Variants in PDE8B observed in about 807,000 individuals in gnomAD.
The protein encoded by PDE8B is high affinity cAMP-specific and IBMX-insensitive 3',5'-cyclic phosphodiesterase 8B.
In PDE8B, 26 loss-of-function variants were observed where a neutral mutation model predicts 101.3. That is an observed-to-expected ratio of 0.26 (90% CI 0.19 to 0.36). PDE8B has a LOEUF of 0.36. PDE8B is among the 10% of genes least tolerant of loss of function. The pLI, the probability that PDE8B is intolerant of heterozygous loss-of-function variation, is 1.00. For missense variants in PDE8B, 810 were observed against 1,163.1 expected (o/e 0.70, Z 4.42); for synonymous variants, 424 against 429.3 (o/e 0.99, Z 0.15).
intron 10 of PDE8B, among the ~76,000 whole-genome samples, chr5:77,381,162 G>A (rs999758050): frequency 2.6e-5 from 4 of 152,178 alleles, no homozygotes; most frequent in Admixed American, 6.5e-5. Flanking sequence ...TAAGACCAAC[G>A]GGATGTGGGA....
At chr5:77,132,882 T>G in the PDE8B span, among the ~76,000 whole-genome samples, 1 of 152,264 alleles carries the variant, frequency 6.6e-6, no homozygotes, top group African/African-American at 2.4e-5. Flanking sequence ...AGCCTTATAA[T>G]TAACTGATAG....
chr5:77,169,658 G>A, the PDE8B span, among the ~76,000 whole-genome samples: 1 of 152,144 alleles, frequency 6.6e-6, no homozygotes, highest in South Asian at 2.1e-4. Flanking sequence ...GCAGTGGATT[G>A]GCAGCTGTGT....
chr5:77,368,661 A>C (rs547979821), intron 10 of PDE8B, among the ~76,000 whole-genome samples: 10 of 152,230 alleles, frequency 6.6e-5, no homozygotes, highest in African/African-American at 1.9e-4. Context: ...AGGGCCTTAC[A>C]CGGTGCTAGG....
chr5:77,174,286 T>TA, the PDE8B span, among the ~76,000 whole-genome samples: 2 of 152,160 alleles, frequency 1.3e-5, no homozygotes, highest in African/African-American at 4.8e-5. Flanking sequence ...TCTCTGTTTT[T>TA]ATGGGAGGTA....
intron 1 of PDE8B, among the ~76,000 whole-genome samples, chr5:77,273,737 A>G (rs990218210): frequency 3.5e-4 from 53 of 152,360 alleles, no homozygotes; most frequent in African/African-American, 1.2e-3. Flanking sequence ...TAGTATATAA[A>G]AAATAAAGTT....
chr5:77,128,467 A>T, the PDE8B span, among the ~76,000 whole-genome samples: 1 of 152,132 alleles, frequency 6.6e-6, no homozygotes, highest in Non-Finnish European at 1.5e-5. Flanking sequence ...GCCCACCTTT[A>T]TGGGTTGTGC....
At chr5:77,110,647 A>T in the PDE8B span, among the ~76,000 whole-genome samples, 2 of 152,208 alleles carry the variant, frequency 1.3e-5, no homozygotes, top group South Asian at 2.1e-4. Flanking sequence ...AAGGAATTCC[A>T]TGATGCTGCT....
At chr5:77,135,473 A>ATTTTTTTTTTTTTTTTTTT in the PDE8B span, among the ~76,000 whole-genome samples, 1 of 121,534 alleles carries the variant, frequency 8.2e-6, no homozygotes, top group Non-Finnish European at 1.7e-5. Context: ...AGCCAGAGGA[A>ATTTTTTTTTTTTTTTTTTT]TTTTTTTTTT....
the PDE8B span, among the ~76,000 whole-genome samples, chr5:77,100,965 CTTTTTTT>C: frequency 9.6e-5 from 12 of 124,388 alleles, no homozygotes; most frequent in African/African-American, 2.8e-4. Flanking sequence ...ATTTTTTTTC[CTTTTTTT>C]TTTTTTTTTT....
the PDE8B span, among the ~76,000 whole-genome samples, chr5:77,136,823 T>A: frequency 6.6e-6 from 1 of 152,236 alleles, no homozygotes; most frequent in Non-Finnish European, 1.5e-5. Context: ...CCCCATCATA[T>A]ACTAGAAACT....
chr5:77,353,193 G>A (rs1781470712), intron 9 of PDE8B, among the ~76,000 whole-genome samples, 153 bp from the exon 10 acceptor site: 1 of 152,176 alleles, frequency 6.6e-6, no homozygotes, highest in African/African-American at 2.4e-5. Context: ...TGTGAAAACT[G>A]TGTTTTCTGT....
chr5:77,218,313 T>C (rs1750256077), intron 1 of PDE8B, among the ~76,000 whole-genome samples: 1 of 152,250 alleles, frequency 6.6e-6, no homozygotes, highest in Non-Finnish European at 1.5e-5. Context: ...CAAATCTGCA[T>C]GATTTTCCCT....
At chr5:77,290,529 C>A in intron 1 of PDE8B, 1 of 1,475,426 alleles carries the variant, frequency 6.8e-7, no homozygotes, top group Non-Finnish European at 9.5e-7. Flanking sequence ...AATAGTAAGA[C>A]AGATTGACGA....
At chr5:77,315,392 A>G (rs1308737960) in intron 2 of PDE8B, among the ~76,000 whole-genome samples, 5 of 152,082 alleles carry the variant, frequency 3.3e-5, no homozygotes, top group Non-Finnish European at 5.9e-5. Flanking sequence ...GATTGTTTCC[A>G]GCTCCACTTA....
intron 1 of PDE8B, chr5:77,291,530 T>G: frequency 6.2e-7 from 1 of 1,606,206 alleles, no homozygotes. Flanking sequence ...CATGGAATAC[T>G]GAAGTAAAAC....
the PDE8B span, among the ~76,000 whole-genome samples, chr5:77,167,758 G>C: frequency 6.6e-6 from 1 of 152,122 alleles, no homozygotes; most frequent in African/African-American, 2.4e-5. Flanking sequence ...TGAGTAGAAC[G>C]GATTGTGACA....
At chr5:77,347,097 G>A (rs527884579) in intron 7 of PDE8B, among the ~76,000 whole-genome samples, 1 of 152,102 alleles carries the variant, frequency 6.6e-6, no homozygotes. Context: ...TTTCCTTCCT[G>A]TCTTCCTCCA....
chr5:77,414,895 T>C (rs1164992090), intron 17 of PDE8B, among the ~76,000 whole-genome samples: 1 of 152,120 alleles, frequency 6.6e-6, no homozygotes, highest in Admixed American at 6.6e-5. Context: ...TAGGAAAACA[T>C]TGATTAAATT....
intron 20 of PDE8B, 60 bp from the exon 21 acceptor site, chr5:77,425,707 A>T (rs1210300149): frequency 1.9e-6 from 3 of 1,558,448 alleles, no homozygotes; most frequent in Non-Finnish European, 2.7e-6. Context: ...GAGAAACAGG[A>T]TATTACTGTG....
Sources: gnomAD v4.1 joint callset for allele counts (sites outside exome capture counted in the v4.1 genomes callset) on GRCh38, gnomAD v4.1.1 for gene constraint, MANE v1.5 for transcripts, NCBI Gene and HGNC (gene_info 2026-07-23, HGNC 2026-07-21) for gene names.